Variants in MGAT4C observed in about 807,000 individuals in gnomAD.
MGAT4C encodes the protein alpha-1,3-mannosyl-glycoprotein 4-beta-N-acetylglucosaminyltransferase C.
In MGAT4C, 19 loss-of-function variants were observed where a neutral mutation model predicts 40.1. The observed-to-expected ratio is 0.47, with a 90% CI of 0.33 to 0.70. The LOEUF (loss-of-function observed/expected upper bound fraction) is 0.70. Ranked by LOEUF, MGAT4C falls within the 30% of genes least tolerant of loss-of-function variation. MGAT4C has a pLI of 0.02. For synonymous variants in MGAT4C, 181 were observed against 187.1 expected (o/e 0.97, Z 0.27); for missense variants, 491 against 563.2 (o/e 0.87, Z 1.30).
chr12:86,630,254 A>T (rs989873372), intron 2 of MGAT4C, among the ~76,000 whole-genome samples: 2 of 152,170 alleles, frequency 1.3e-5, no homozygotes, highest in African/African-American at 4.8e-5. Flanking sequence ...AATTGAGGCA[A>T]TAATTAGTAG....
intron 2 of MGAT4C, among the ~76,000 whole-genome samples, chr12:86,687,788 G>A (rs766558039): frequency 6.6e-5 from 10 of 152,156 alleles, no homozygotes; most frequent in Non-Finnish European, 1.5e-4. Context: ...GTGATGTGGT[G>A]CGGAGAAGAA....
At chr12:86,184,228 T>G (rs1032972962) in intron 1 of MGAT4C, among the ~76,000 whole-genome samples, 4 of 152,026 alleles carry the variant, frequency 2.6e-5, no homozygotes, top group Admixed American at 2.0e-4. Context: ...AATACAAAAA[T>G]TAGCTGGGCA....
intron 1 of MGAT4C, among the ~76,000 whole-genome samples, chr12:86,132,243 A>T (rs1881290560): frequency 6.6e-6 from 1 of 152,192 alleles, no homozygotes; most frequent in Admixed American, 6.5e-5. Flanking sequence ...CTTTATTTGT[A>T]AGCAAATATA....
chr12:86,089,194 G>T lies in MGAT4C; in HGVS notation c.-56-39471C>A, dbSNP rs186885577. On this transcript the variant is annotated intron_variant, in intron 1 of 4. Coordinates refer to ENST00000611864, the MANE Select transcript of MGAT4C (RefSeq NM_001351288.2). ...GCCTAATATAAGTATAAAGCTATTA[G>T]AATTATGTGAAATACATGTAAACAC... Among the ~76,000 whole-genome samples the T allele has an allele frequency of 1.8e-3, 274 of 152,016 alleles. 2 individuals are homozygous for T. The highest frequency in any genetic ancestry group is 6.8e-3 in the Middle Eastern group (2 of 294).
At chr12:86,017,183 GC>G (rs1889169906) in intron 2 of MGAT4C, among the ~76,000 whole-genome samples, 1 of 152,052 alleles carries the variant, frequency 6.6e-6, no homozygotes, top group African/African-American at 2.4e-5. Flanking sequence ...TAAAAAGATT[GC>G]AACTACCACT....
intron 2 of MGAT4C, among the ~76,000 whole-genome samples, chr12:86,619,227 C>A (rs1962560864): frequency 6.6e-6 from 1 of 152,048 alleles, no homozygotes. Context: ...ATCTCTATAT[C>A]TAGATATATA....
exon 1 of MGAT4C, chr12:86,838,765 T>G (rs1176388597): frequency 6.6e-6 from 1 of 152,202 alleles, no homozygotes; most frequent in Non-Finnish European, 1.5e-5. Context: ...AGAGTTTCAT[T>G]CCCTGGGCTC....
chr12:86,553,371 T>C (rs1281254948), intron 2 of MGAT4C, among the ~76,000 whole-genome samples: 2 of 152,120 alleles, frequency 1.3e-5, no homozygotes, highest in African/African-American at 4.8e-5. Flanking sequence ...ACACCTACTC[T>C]AAATTCTAAG....
At chr12:86,441,541 C>T (rs1483733079) in intron 2 of MGAT4C, among the ~76,000 whole-genome samples, 1 of 129,924 alleles carries the variant, frequency 7.7e-6, no homozygotes, top group Non-Finnish European at 1.6e-5. Context: ...TATTCCCCTT[C>T]CTGTGTTCAA....
At chr12:86,296,496 G>C (rs1405798633) in intron 4 of MGAT4C, among the ~76,000 whole-genome samples, 2 of 152,198 alleles carry the variant, frequency 1.3e-5, no homozygotes, top group African/African-American at 4.8e-5. Flanking sequence ...GGAACTCATG[G>C]AGGTGGGGGA....
intron 2 of MGAT4C, among the ~76,000 whole-genome samples, chr12:86,437,277 A>G (rs1957153169): frequency 6.6e-6 from 1 of 151,832 alleles, no homozygotes; most frequent in Non-Finnish European, 1.5e-5. Context: ...CAATGTACAC[A>G]ATTTGTATTT....
intron 2 of MGAT4C, among the ~76,000 whole-genome samples, chr12:86,509,811 C>A (rs966166899): frequency 6.6e-6 from 1 of 152,188 alleles, no homozygotes; most frequent in Non-Finnish European, 1.5e-5. Context: ...GTATTTTATT[C>A]TCTTTGTAGC....
rs1892720354 is a variant in MGAT4C at position 86,049,726 on chromosome 12, G to A, written c.-56-3C>T. 1.0e-6 allele frequency: 1 copy of A among 978,622 alleles called. No individual in the cohort carries two copies. The highest frequency in any genetic ancestry group is 1.8e-5 in the African/African-American group (1 of 57,014). 60.6% of individuals were successfully genotyped at this position (978,622 alleles called of 1,614,324 possible). A position where few individuals can be genotyped will look rare whatever the true frequency, so the allele number is the denominator to read the frequency against. On this transcript the variant is annotated splice_region_variant and splice_polypyrimidine_tract_variant and intron_variant, in intron 1 of 4. Transcript: ENST00000611864. ...GCTGTACAGAAACCGTTGATACCCTGGAAAAAAGAAAGTCTAATATTACTA... is the reference window on the plus strand; with the variant it reads ...GCTGTACAGAAACCGTTGATACCCTAGAAAAAAGAAAGTCTAATATTACTA...
chr12:86,430,646 T>C (rs995719237), intron 3 of MGAT4C, among the ~76,000 whole-genome samples: 1 of 152,062 alleles, frequency 6.6e-6, no homozygotes, highest in Non-Finnish European at 1.5e-5. Context: ...TGTACTCTGG[T>C]CAGCCAATTA....
At chr12:86,628,195 G>GA (rs892255475) in intron 2 of MGAT4C, among the ~76,000 whole-genome samples, 6 of 151,848 alleles carry the variant, frequency 4.0e-5, no homozygotes, top group African/African-American at 1.5e-4. Context: ...AAGTTTAGAG[G>GA]AAAAAAGAGT....
intron 1 of MGAT4C, among the ~76,000 whole-genome samples, chr12:86,094,793 G>A (rs1300584383): frequency 6.6e-6 from 1 of 152,036 alleles, no homozygotes; most frequent in Non-Finnish European, 1.5e-5. Context: ...GAGGAATGAT[G>A]TGGATTTATT....
At chr12:86,684,138 G>C (rs1426997720) in intron 2 of MGAT4C, among the ~76,000 whole-genome samples, 1 of 152,238 alleles carries the variant, frequency 6.6e-6, no homozygotes, top group East Asian at 1.9e-4. Flanking sequence ...CACTTTGGGA[G>C]GCCGAGGCGG....
At chr12:86,072,929 G>A (rs1243145880) in intron 1 of MGAT4C, among the ~76,000 whole-genome samples, 2 of 152,080 alleles carry the variant, frequency 1.3e-5, no homozygotes, top group Non-Finnish European at 1.5e-5. Flanking sequence ...ACAGTATTGT[G>A]ATTTTGGAAC....
At chr12:86,815,008 AC>A (rs1433244223) in intron 1 of MGAT4C, among the ~76,000 whole-genome samples, 1 of 151,678 alleles carries the variant, frequency 6.6e-6, no homozygotes, top group Non-Finnish European at 1.5e-5. Flanking sequence ...AAAAAATGAG[AC>A]TCTTTAAAAT....
Sources: gnomAD v4.1 joint callset for allele counts (sites outside exome capture counted in the v4.1 genomes callset) on GRCh38, gnomAD v4.1.1 for gene constraint, MANE v1.5 for transcripts, NCBI Gene and HGNC (gene_info 2026-07-23, HGNC 2026-07-21) for gene names.